ERICH3: variants seen among roughly 807,000 people sequenced by gnomAD.
The protein encoded by ERICH3 is glutamate rich 3.
Under a neutral mutation model 131.1 loss-of-function variants are expected in ERICH3, and 126 were observed. The ratio of observed to expected loss-of-function variants is 0.96; its 90% CI spans 0.83 to 1.11. The LOEUF is 1.11. ERICH3 is among the 50% of genes most tolerant of loss of function. The pLI is 0.00. For synonymous variants in ERICH3, 695 were observed against 644.6 expected (o/e 1.08, Z -1.18); for missense variants, 2,050 against 1,810.7 (o/e 1.13, Z -2.40).
At chr1:74,661,176 A>C (rs1407166640) in intron 1 of ERICH3, among the ~76,000 whole-genome samples, 3 of 152,152 alleles carry the variant, frequency 2.0e-5, no homozygotes, top group African/African-American at 7.2e-5. Flanking sequence ...AATGGTAATG[A>C]CATCTGGGCA....
intron 5 of ERICH3, among the ~76,000 whole-genome samples, chr1:74,638,305 C>T (rs745848450): frequency 4.6e-5 from 7 of 152,112 alleles, no homozygotes; most frequent in Non-Finnish European, 8.8e-5. Flanking sequence ...TTTTTAACAT[C>T]TAATGGCAAC....
intron 12 of ERICH3, chr1:74,586,568 A>G (rs959727654): frequency 2.2e-5 from 19 of 846,466 alleles, no homozygotes; most frequent in Non-Finnish European, 2.4e-5. Flanking sequence ...TAAAATATCT[A>G]TAACTTTTGA....
intron 1 of ERICH3, among the ~76,000 whole-genome samples, chr1:74,667,467 G>T (rs1646702849): frequency 6.6e-6 from 1 of 152,024 alleles, no homozygotes; most frequent in South Asian, 2.1e-4. Flanking sequence ...CACTTCTCTT[G>T]GTCTGTACCA....
Position 74,569,495 on chromosome 1 carries a change from G to A in ERICH3, c.*963C>T, listed in dbSNP as rs1646911243. ...GCAGTTGTTACTGTTGATTTATAATGAACTGCAAGGTTAGTTCACAGGTTT... is the reference window on the plus strand; with the variant it reads ...GCAGTTGTTACTGTTGATTTATAATAAACTGCAAGGTTAGTTCACAGGTTT... On this transcript the variant is annotated 3_prime_UTR_variant, in exon 15 of 15. Coordinates refer to ENST00000326665, the MANE Select transcript of ERICH3 (RefSeq NM_001002912.5). The A allele has an allele frequency of 1.3e-5, 2 of 152,090 alleles. No individual in the cohort carries two copies. 9.4% of individuals were successfully genotyped at this position (152,090 alleles called of 1,614,324 possible).
At chr1:74,609,149 A>G (rs878962729) in intron 9 of ERICH3, among the ~76,000 whole-genome samples, 1 of 152,088 alleles carries the variant, frequency 6.6e-6, no homozygotes, top group Non-Finnish European at 1.5e-5. Flanking sequence ...TCATGCTAGC[A>G]ATTGAAAATT....
At chr1:74,574,481 A>C (rs1016523180) in intron 13 of ERICH3, among the ~76,000 whole-genome samples, 19 of 152,186 alleles carry the variant, frequency 1.2e-4, no homozygotes, top group Admixed American at 2.6e-4. Flanking sequence ...TGAGCTACAT[A>C]GGTAAGTCTT....
chr1:74,602,099 G>A (rs539744786), intron 10 of ERICH3, among the ~76,000 whole-genome samples: 1 of 151,864 alleles, frequency 6.6e-6, no homozygotes, highest in Non-Finnish European at 1.5e-5. Flanking sequence ...TAAAATCAGA[G>A]CAGTACAAGT....
chr1:74,575,911 G>A (rs1013349843), intron 13 of ERICH3, among the ~76,000 whole-genome samples: 12 of 149,180 alleles, frequency 8.0e-5, no homozygotes, highest in African/African-American at 3.1e-4. Flanking sequence ...AGAAATATTA[G>A]TATAAAAACA....
rs189853750 is a variant in ERICH3 at position 74,661,579 on chromosome 1, C to G, written c.23+11918G>C. Among the ~76,000 whole-genome samples, 662 of 152,272 alleles carry G rather than the reference C, an allele frequency of 4.3e-3. 4 individuals carry two copies. Among genetic ancestry groups the G allele is most frequent in the Non-Finnish European group, 7.8e-3 (529 of 67,992 alleles). On this transcript the variant is annotated intron_variant, in intron 1 of 14. Coordinates refer to ENST00000326665, the MANE Select transcript of ERICH3 (RefSeq NM_001002912.5). ...ATTGACTGGAAACACCTTCTCTATG[C>G]TCCCTTCCAATTAGCTTGGGACATG...
chr1:74,672,049 T>C (rs1483636583), intron 1 of ERICH3, among the ~76,000 whole-genome samples: 3 of 152,242 alleles, frequency 2.0e-5, no homozygotes, highest in African/African-American at 4.8e-5. Flanking sequence ...AAATTTGACT[T>C]CAGTTTCTGA....
Position 74,670,957 on chromosome 1 carries a change from G to A in ERICH3, c.23+2540C>T, listed in dbSNP as rs186472097. On this transcript the variant is annotated intron_variant, in intron 1 of 14. Transcript: ENST00000326665. ...TGCTCTGGGAGTGTCTGTCTTATGC[G>A]GTTGAGATAAGGACTGATATAAGCC... Among the ~76,000 whole-genome samples the A allele has an allele frequency of 4.1e-3, 622 of 152,212 alleles. 4 individuals carry two copies. The highest frequency in any genetic ancestry group is 0.014 in the African/African-American group (570 of 41,532).
chr1:74,612,406 T>G (rs1209355932), intron 9 of ERICH3, among the ~76,000 whole-genome samples: 1 of 152,196 alleles, frequency 6.6e-6, no homozygotes, highest in Non-Finnish European at 1.5e-5. Flanking sequence ...TGCACTAGCT[T>G]TTATCTTCGT....
intron 2 of ERICH3, among the ~76,000 whole-genome samples, chr1:74,647,259 T>C (rs1473487977): frequency 6.6e-6 from 1 of 152,076 alleles, no homozygotes; most frequent in Non-Finnish European, 1.5e-5. Context: ...GGCGGGGTAC[T>C]ACTTTGAAAA....
chr1:74,661,850 C>T (rs905721510), intron 1 of ERICH3, among the ~76,000 whole-genome samples: 2 of 152,170 alleles, frequency 1.3e-5, no homozygotes, highest in African/African-American at 4.8e-5. Context: ...AAAGCTACAT[C>T]CTTCTGACTC....
At chr1:74,664,980 A>G (rs1217765828) in intron 1 of ERICH3, among the ~76,000 whole-genome samples, 1 of 152,110 alleles carries the variant, frequency 6.6e-6, no homozygotes, top group Non-Finnish European at 1.5e-5. Context: ...CATGTTATAG[A>G]CTTAACGTCT....
intron 10 of ERICH3, among the ~76,000 whole-genome samples, chr1:74,601,509 T>C (rs1252200685): frequency 1.3e-5 from 2 of 151,890 alleles, no homozygotes; most frequent in Non-Finnish European, 2.9e-5. Context: ...TGGGTTGCTA[T>C]AGATTTTTAG....
chr1:74,670,957 G>C (rs186472097), intron 1 of ERICH3, among the ~76,000 whole-genome samples: 1 of 152,098 alleles, frequency 6.6e-6, no homozygotes, highest in South Asian at 2.1e-4. Context: ...TGTCTTATGC[G>C]GTTGAGATAA....
intron 7 of ERICH3, among the ~76,000 whole-genome samples, chr1:74,629,373 T>C (rs543471750): frequency 6.6e-6 from 1 of 152,230 alleles, no homozygotes; most frequent in East Asian, 1.9e-4. Context: ...AAAAAGGTTT[T>C]TTTTTTCTTG....
chr1:74,583,058 C>T (rs1335673870), intron 12 of ERICH3, among the ~76,000 whole-genome samples: 1 of 152,058 alleles, frequency 6.6e-6, no homozygotes, highest in Non-Finnish European at 1.5e-5. Flanking sequence ...AGAACAAAGC[C>T]ACAGTATTTC....
Sources: allele counts gnomAD v4.1 joint callset (sites outside exome capture counted in the v4.1 genomes callset), GRCh38; gene constraint gnomAD v4.1.1; transcripts MANE v1.5; gene names NCBI Gene and HGNC (gene_info 2026-07-23, HGNC 2026-07-21).